EZH1: variants seen among roughly 807,000 people sequenced by gnomAD.
The protein encoded by EZH1 is histone-lysine N-methyltransferase EZH1.
Under a neutral mutation model 100.5 loss-of-function variants are expected in EZH1, and 33 were observed. That is an observed-to-expected ratio of 0.33 (90% CI 0.25 to 0.44). The LOEUF is 0.44. Ranked by LOEUF, EZH1 falls within the 20% of genes least tolerant of loss-of-function variation. EZH1 has a pLI of 1.00. For missense variants in EZH1, 475 were observed against 928.4 expected, an observed-to-expected ratio of 0.51 and a Z score of 6.35; for synonymous variants, 272 against 313.8, an observed-to-expected ratio of 0.87 and a Z score of 1.41.
chr17:42,722,407 C>T (rs1356807771), intron 6 of EZH1, among the ~76,000 whole-genome samples: 1 of 151,622 alleles, frequency 6.6e-6, no homozygotes, highest in Non-Finnish European at 1.5e-5. Context: ...GGTGGATCAC[C>T]TGAGGTCAGG....
chr17:42,719,370 T>C (rs929897890), intron 7 of EZH1, among the ~76,000 whole-genome samples, 163 bp from the exon 8 acceptor site: 20 of 152,254 alleles, frequency 1.3e-4, no homozygotes, highest in African/African-American at 4.6e-4. Context: ...TATCTGGACT[T>C]ATCTGATATA....
At chr17:42,712,682 T>C (rs888861884) in intron 11 of EZH1, among the ~76,000 whole-genome samples, 197 bp from the exon 12 acceptor site, 1 of 151,210 alleles carries the variant, frequency 6.6e-6, no homozygotes, top group Non-Finnish European at 1.5e-5. Context: ...GTGGGTGGAT[T>C]GCTTGAGCTC....
intron 7 of EZH1, 134 bp downstream of exon 7, chr17:42,720,139 T>C (rs1211026874): frequency 9.7e-6 from 8 of 822,054 alleles, no homozygotes; most frequent in Non-Finnish European, 1.9e-6. Context: ...TATCACTTAA[T>C]GATCATGTTC....
chr17:42,722,560 G>A (rs1410350325), intron 6 of EZH1, among the ~76,000 whole-genome samples: 1 of 146,824 alleles, frequency 6.8e-6, no homozygotes, highest in South Asian at 2.1e-4. Context: ...AGGAGGCAGA[G>A]ATTGCAGTGA....
chr17:42,725,658 C>T (rs572078270), intron 4 of EZH1, among the ~76,000 whole-genome samples: 10 of 152,216 alleles, frequency 6.6e-5, no homozygotes, highest in East Asian at 3.9e-4. Flanking sequence ...CTGATGTTTA[C>T]CTCAGCTCAA....
intron 12 of EZH1, among the ~76,000 whole-genome samples, chr17:42,710,625 G>GTTTTTTT (rs1347789208): frequency 4.1e-5 from 5 of 121,158 alleles, no homozygotes; most frequent in East Asian, 2.4e-4. Context: ...TTCTGTTTTT[G>GTTTTTTT]TTTGTTTTTT....
intron 18 of EZH1, among the ~76,000 whole-genome samples, chr17:42,704,385 A>C (rs775615524): frequency 2.0e-4 from 30 of 152,062 alleles, no homozygotes; most frequent in Admixed American, 1.6e-3. Context: ...CTAAAAATAC[A>C]AAAATATTAG....
intron 4 of EZH1, among the ~76,000 whole-genome samples, chr17:42,725,312 C>T (rs148586554): frequency 1.3e-5 from 2 of 151,758 alleles, no homozygotes; most frequent in East Asian, 1.9e-4. Context: ...CTCTGTTGCC[C>T]AGGCTGAGTG....
intron 2 of EZH1, among the ~76,000 whole-genome samples, chr17:42,730,487 CTTTTTTTT>C (rs1156867481): frequency 4.5e-5 from 3 of 66,664 alleles, no homozygotes; most frequent in East Asian, 5.5e-4. Context: ...AGTATGTATT[CTTTTTTTT>C]TTTTTTTTTT....
Position 42,702,516 on chromosome 17 carries a change from G to GC in EZH1, c.*15_*16insG, listed in dbSNP as rs1567981385. ...CAGTGCCGCTACCATAAGTGCTGCC[G>GC]TGGGGCCTGGGAGGGCTAAAGGACG... On this transcript the variant is annotated 3_prime_UTR_variant, in exon 21 of 21. Coordinates refer to ENST00000428826, the MANE Select transcript of EZH1 (RefSeq NM_001991.5). 4 of 1,549,374 alleles carry GC rather than the reference G, an allele frequency of 2.6e-6. No homozygotes were observed. The highest frequency in any genetic ancestry group is 1.7e-4 in the Middle Eastern group (1 of 5,966).
In EZH1 at chr17:42,712,851, A is replaced by C. The variant is rs1372693335; in HGVS notation, c.1204+358T>G. Among the ~76,000 whole-genome samples, 3 of 152,200 alleles carry C rather than the reference A, an allele frequency of 2.0e-5. No homozygotes were observed. The South Asian group carries it at 6.2e-4, about 31-fold the overall frequency. On this transcript the variant is annotated intron_variant, in intron 11 of 20. Transcript: ENST00000428826. ...TCAGAAGTTCAAGACCAGCCTGGCC[A>C]ACATGGCGAAACCCCGTCTCTACTA...
intron 1 of EZH1, among the ~76,000 whole-genome samples, chr17:42,738,889 G>A (rs1437760486): frequency 6.6e-6 from 1 of 150,952 alleles, no homozygotes; most frequent in African/African-American, 2.4e-5. Context: ...CCCCCCCTGA[G>A]TAGCTGGGAC....
chr17:42,717,762 T>G (rs1031914981), intron 10 of EZH1, among the ~76,000 whole-genome samples: 1 of 152,228 alleles, frequency 6.6e-6, no homozygotes, highest in African/African-American at 2.4e-5. Context: ...AAGCCTTTAA[T>G]GATCTTCGAA....
Position 42,701,348 on chromosome 17 carries a change from G to C in EZH1, c.*1184C>G, listed in dbSNP as rs1387163593. 1 of 152,898 alleles carries C rather than the reference G, an allele frequency of 6.5e-6. No individual in the cohort carries two copies. The highest frequency in any genetic ancestry group is 1.5e-5 in the Non-Finnish European group (1 of 68,138). 9.5% of individuals were successfully genotyped at this position (152,898 alleles called of 1,614,324 possible). On this transcript the variant is annotated 3_prime_UTR_variant, in exon 21 of 21. Coordinates refer to ENST00000428826, the MANE Select transcript of EZH1 (RefSeq NM_001991.5). The stretch of plus-strand genomic sequence containing the variant: ...GAATGCCAGAGAGGGTGGCACCACA[G>C]CCTGGGACAGGTGGTCTACCTGCTT...
intron 19 of EZH1, 168 bp from the exon 20 acceptor site, chr17:42,703,129 G>T (rs2053278641): frequency 3.3e-6 from 2 of 612,172 alleles, no homozygotes; most frequent in Non-Finnish European, 5.8e-6. Context: ...TGTTATTATG[G>T]CAGAAAAATT....
intron 1 of EZH1, among the ~76,000 whole-genome samples, chr17:42,734,702 A>ACTT (rs2054031539): frequency 6.6e-6 from 1 of 150,562 alleles, no homozygotes; most frequent in Non-Finnish European, 1.5e-5. Context: ...GAAAGAAAGA[A>ACTT]GGAAGGAAGG....
At chr17:42,732,261 G>A (rs1057018225) in intron 1 of EZH1, among the ~76,000 whole-genome samples, 8 of 152,134 alleles carry the variant, frequency 5.3e-5, no homozygotes, top group Non-Finnish European at 1.2e-4. Context: ...CCAGGAGTTT[G>A]AGATTAGCTT....
chr17:42,722,621 G>A (rs144534288), intron 6 of EZH1, among the ~76,000 whole-genome samples, 174 bp downstream of exon 6: 169 of 92,076 alleles, frequency 1.8e-3, no homozygotes, highest in East Asian at 0.013. Flanking sequence ...GCAAAACTCC[G>A]TCTCAAAAAA....
intron 11 of EZH1, 112 bp downstream of exon 11, chr17:42,713,097 G>T: frequency 3.1e-5 from 22 of 706,644 alleles, no homozygotes; most frequent in Non-Finnish European, 3.5e-5. Flanking sequence ...AAAACTTGTA[G>T]AAAGAATTTA....
Sources: gnomAD v4.1 joint callset for allele counts (sites outside exome capture counted in the v4.1 genomes callset) on GRCh38, gnomAD v4.1.1 for gene constraint, MANE v1.5 for transcripts, NCBI Gene and HGNC (gene_info 2026-07-23, HGNC 2026-07-21) for gene names.